TUSC3: variants seen among roughly 807,000 people sequenced by gnomAD.
The protein encoded by TUSC3 is dolichyl-diphosphooligosaccharide--protein glycosyltransferase subunit TUSC3.
TUSC3 carries 45 observed loss-of-function variants against 44.8 expected under a neutral mutation model. The ratio of observed to expected loss-of-function variants is 1.00; its 90% CI spans 0.79 to 1.29. The LOEUF (loss-of-function observed/expected upper bound fraction) is 1.29. Among genes scored for constraint, TUSC3 ranks in the 50% most tolerant of loss-of-function variants. The pLI, the probability that TUSC3 is intolerant of heterozygous loss-of-function variation, is 0.00. For missense variants in TUSC3, 519 were observed against 437.9 expected (o/e 1.19, Z -1.65); for synonymous variants, 212 against 152.9 (o/e 1.39, Z -2.85).
chr8:15,769,168 T>C (rs1446130602), downstream of TUSC3, among the ~76,000 whole-genome samples: 3 of 152,164 alleles, frequency 2.0e-5, no homozygotes, highest in Non-Finnish European at 4.4e-5. Flanking sequence ...TCTACCTGAC[T>C]TCAAACTATA....
At chr8:15,849,136 A>T in the TUSC3 span, among the ~76,000 whole-genome samples, 2 of 152,306 alleles carry the variant, frequency 1.3e-5, no homozygotes, top group African/African-American at 4.8e-5. Context: ...ACTACATTCG[A>T]TCAAAATTCA....
At chr8:15,636,913 G>A (rs1330944603) in intron 2 of TUSC3, among the ~76,000 whole-genome samples, 4 of 152,260 alleles carry the variant, frequency 2.6e-5, no homozygotes, top group South Asian at 2.1e-4. Flanking sequence ...ATTTTATTTG[G>A]TGCTGGTGAG....
chr8:15,602,251 A>C (rs1012235229), intron 1 of TUSC3, among the ~76,000 whole-genome samples: 1 of 151,642 alleles, frequency 6.6e-6, no homozygotes, highest in Non-Finnish European at 1.5e-5. Context: ...CTTTTTGAAT[A>C]AATCTATTTT....
chr8:15,685,473 G>A (rs897735989), intron 6 of TUSC3, among the ~76,000 whole-genome samples: 4 of 152,102 alleles, frequency 2.6e-5, no homozygotes, highest in Admixed American at 2.0e-4. Flanking sequence ...GCTGTTTCTA[G>A]ACATCTTGAA....
chr8:15,459,311 G>T (rs78986109), intron 1 of TUSC3, among the ~76,000 whole-genome samples: 1,584 of 152,022 alleles, frequency 0.01, 31 homozygotes, highest in African/African-American at 0.036. Flanking sequence ...AAGTTGTTTT[G>T]GATGCTTTCA....
At chr8:15,468,911 C>T (rs1031851660) in intron 1 of TUSC3, among the ~76,000 whole-genome samples, 6 of 148,606 alleles carry the variant, frequency 4.0e-5, no homozygotes, top group African/African-American at 1.0e-4. Context: ...AGAGTGCAGA[C>T]AGATTAAAAA....
chr8:15,725,952 T>A (rs1810479169), intron 6 of TUSC3, among the ~76,000 whole-genome samples: 1 of 152,186 alleles, frequency 6.6e-6, no homozygotes, highest in African/African-American at 2.4e-5. Flanking sequence ...TGGCTATTAT[T>A]AACACTGGAA....
At chr8:15,678,734 G>A (rs1808292754) in intron 6 of TUSC3, among the ~76,000 whole-genome samples, 1 of 152,146 alleles carries the variant, frequency 6.6e-6, no homozygotes, top group South Asian at 2.1e-4. Context: ...GCATTACTGA[G>A]GCCATCACAC....
chr8:15,548,441 A>G (rs1264360309), intron 1 of TUSC3, among the ~76,000 whole-genome samples: 4 of 151,806 alleles, frequency 2.6e-5, no homozygotes, highest in Non-Finnish European at 4.4e-5. Flanking sequence ...TACAGAGGGC[A>G]CACAAGGACG....
At chr8:15,548,228 C>T (rs986763754) in intron 1 of TUSC3, among the ~76,000 whole-genome samples, 4 of 151,762 alleles carry the variant, frequency 2.6e-5, no homozygotes, top group Non-Finnish European at 4.4e-5. Flanking sequence ...ATGGTTGTGA[C>T]AAACTATTTG....
intron 6 of TUSC3, among the ~76,000 whole-genome samples, chr8:15,685,472 A>G (rs1465658842): frequency 2.6e-5 from 4 of 152,152 alleles, no homozygotes; most frequent in Non-Finnish European, 5.9e-5. Context: ...GGCTGTTTCT[A>G]GACATCTTGA....
chr8:15,593,001 G>C (rs529924964), intron 1 of TUSC3, among the ~76,000 whole-genome samples: 2 of 152,268 alleles, frequency 1.3e-5, no homozygotes, highest in African/African-American at 4.8e-5. Context: ...GAAAGGTCAG[G>C]TTTGGGGGTA....
rs545559026 is a variant in TUSC3, at chr8:15,743,704, A to C, written c.937+92A>C. On this transcript the variant is annotated intron_variant, in intron 8 of 10. Transcript: ENST00000503731. ...AAATACATAAAAGCCCTTTGTAAAC[A>C]AACTTCTAAAGAAATGTTCTGGTTT... The C allele has an allele frequency of 6.0e-6, 8 of 1,336,674 alleles. No individual in the cohort carries two copies. The African/African-American group carries it at 1.2e-4, about 19-fold the overall frequency. The allele number at this position is 1,336,674 out of a possible 1,614,324, so 82.8% of individuals were successfully genotyped here. A position where few individuals can be genotyped will look rare whatever the true frequency, so the allele number is the denominator to read the frequency against.
In TUSC3 at chr8:15,523,654, ATATATATATATGTGTGTGTGTGTG is replaced by A. The variant is rs1164841977; in HGVS notation, n.189+40173_189+40196del. Among the ~76,000 whole-genome samples, 89 of 26,136 alleles carry A rather than the reference ATATATATATATGTGTGTGTGTGTG, an allele frequency of 3.4e-3. 2 individuals are homozygous for A. The East Asian group carries it at 0.046, about 13-fold the overall frequency. 17.1% of individuals were successfully genotyped at this position (26,136 alleles called of 152,430 possible). On this transcript the variant is annotated intron_variant and non_coding_transcript_variant, in intron 2 of 5. Coordinates refer to the TUSC3 transcript ENST00000503191. Reference sequence around the variant, plus strand: ...CCTTTAAAAACATATATATATATATATATATATATATGTGTGTGTGTGTGTGTGTGTGTGTGTGTGTGTGTGTGT... The same window carrying A: ...CCTTTAAAAACATATATATATATATATGTGTGTGTGTGTGTGTGTGTGTGT...
At chr8:15,809,344 T>C in the TUSC3 span, among the ~76,000 whole-genome samples, 1 of 152,228 alleles carries the variant, frequency 6.6e-6, no homozygotes, top group Non-Finnish European at 1.5e-5. Context: ...ACATGATTGC[T>C]GTTTTTGTGT....
At chr8:15,840,135 A>T in the TUSC3 span, among the ~76,000 whole-genome samples, 1 of 152,146 alleles carries the variant, frequency 6.6e-6, no homozygotes, top group African/African-American at 2.4e-5. Context: ...GACCAAAAAA[A>T]CAAACACCGC....
chr8:15,631,669 TGTGTG>T lies in TUSC3; in HGVS notation c.308+8421_308+8425del, dbSNP rs1232995924. 1.2e-3 allele frequency among the ~76,000 whole-genome samples: 8 copies of T among 6,878 alleles called. No homozygotes were observed. The South Asian group carries it at 0.016, about 14-fold the overall frequency. 4.5% of individuals were successfully genotyped at this position (6,878 alleles called of 152,430 possible). A position where few individuals can be genotyped will look rare whatever the true frequency, so the allele number is the denominator to read the frequency against. On this transcript the variant is annotated intron_variant, in intron 2 of 10. Transcript: ENST00000503731. Reference sequence around the variant, plus strand: ...ATACATCTCTTGAGTTTAAGGCTGTTGTGTGTGTGTGTGTGTGTGTGTGTGTGTGT... The same window carrying T: ...ATACATCTCTTGAGTTTAAGGCTGTTTGTGTGTGTGTGTGTGTGTGTGTGT...
In TUSC3 at chr8:15,651,135, C is replaced by A. The variant is rs139911632; in HGVS notation, c.426+321C>A. Reference sequence around the variant, plus strand: ...ATTTTTATCATTGTACAGGTTTTTGCCATTATGATAAATTCATTTTAACTT... The same window carrying A: ...ATTTTTATCATTGTACAGGTTTTTGACATTATGATAAATTCATTTTAACTT... On this transcript the variant is annotated intron_variant, in intron 3 of 10. Transcript: ENST00000503731. The A allele has an allele frequency of 2.0e-3, 587 of 296,684 alleles. 8 individuals are homozygous for A. In the East Asian group the frequency reaches 0.021, roughly 11 times the overall value. The allele number at this position is 296,684 out of a possible 1,614,324, so 18.4% of individuals were successfully genotyped here.
intron 1 of TUSC3, among the ~76,000 whole-genome samples, chr8:15,588,937 A>T (rs1803709506): frequency 6.6e-6 from 1 of 152,192 alleles, no homozygotes; most frequent in Non-Finnish European, 1.5e-5. Flanking sequence ...TACTAGCACC[A>T]TGCTGTTTTG....
Sources: allele counts gnomAD v4.1 joint callset (sites outside exome capture counted in the v4.1 genomes callset), GRCh38; gene constraint gnomAD v4.1.1; transcripts MANE v1.5; gene names NCBI Gene and HGNC (gene_info 2026-07-23, HGNC 2026-07-21).